Variants in DCT observed in about 807,000 individuals in gnomAD.
The protein encoded by DCT is L-dopachrome tautomerase.
Under a neutral mutation model 53.0 loss-of-function variants are expected in DCT, and 47 were observed. The observed-to-expected ratio is 0.89, with a 90% CI of 0.70 to 1.13. The LOEUF is 1.13. DCT is among the 50% of genes most tolerant of loss of function. The probability of loss-of-function intolerance (pLI) is 0.00; values close to 1 mark genes in which losing one functional copy is unlikely to be tolerated. For missense variants in DCT, 669 were observed against 637.4 expected (o/e 1.05, Z -0.53); for synonymous variants, 244 against 237.0 (o/e 1.03, Z -0.27).
At chr13:94,523,254 A>C in the DCT span, among the ~76,000 whole-genome samples, 1 of 152,220 alleles carries the variant, frequency 6.6e-6, no homozygotes, top group African/African-American at 2.4e-5. Context: ...TAAGATTTCT[A>C]TTTTATCTTT....
chr13:94,440,915 A>G (rs906693074), intron 7 of DCT, among the ~76,000 whole-genome samples: 3 of 152,126 alleles, frequency 2.0e-5, no homozygotes, highest in Non-Finnish European at 4.4e-5. Context: ...TCCTGACTGC[A>G]GGGAATCCAC....
chr13:94,526,117 T>A, the DCT span, among the ~76,000 whole-genome samples: 1 of 152,216 alleles, frequency 6.6e-6, no homozygotes, highest in South Asian at 2.1e-4. Context: ...GACAGAACTA[T>A]GGGGCATATG....
Position 94,479,258 on chromosome 13 carries a change from C to A in DCT, c.-3G>T. 2.6e-6 allele frequency: 4 copies of A among 1,566,950 alleles called. No homozygotes were observed. Among genetic ancestry groups the A allele is most frequent in the Non-Finnish European group, 3.5e-6 (4 of 1,151,038 alleles). On this transcript the variant is annotated 5_prime_UTR_variant, in exon 1 of 8. Coordinates refer to ENST00000377028, the MANE Select transcript of DCT (RefSeq NM_001922.5). The stretch of plus-strand genomic sequence containing the variant: ...AACCCCCACCAAAGGGGGCTCATGG[C>A]TTTATAATTGGGAGAGCTCTCTCTC...
At chr13:94,446,515 A>G (rs970640987) in intron 6 of DCT, among the ~76,000 whole-genome samples, 2 of 152,212 alleles carry the variant, frequency 1.3e-5, no homozygotes, top group African/African-American at 2.4e-5. Context: ...TGTTTGCTCA[A>G]TTACCCAAAA....
At chr13:94,534,891 C>T in the DCT span, among the ~76,000 whole-genome samples, 1 of 152,330 alleles carries the variant, frequency 6.6e-6, no homozygotes, top group African/African-American at 2.4e-5. Context: ...CATCTTTCCC[C>T]AATGCCATCC....
At chr13:94,523,938 T>G in the DCT span, among the ~76,000 whole-genome samples, 1 of 152,120 alleles carries the variant, frequency 6.6e-6, no homozygotes, top group Non-Finnish European at 1.5e-5. Context: ...CAATAACCAT[T>G]CATGCACCCA....
intron 5 of DCT, among the ~76,000 whole-genome samples, chr13:94,461,790 C>CAGCTA (rs1883805509): frequency 6.6e-6 from 1 of 152,072 alleles, no homozygotes; most frequent in African/African-American, 2.4e-5. Context: ...TGGTTTTGAA[C>CAGCTA]AGCTAAGTTA....
At position 94,443,538 on chromosome 13, in the gene DCT, T is replaced by C. The variant is rs764694494; in HGVS notation, c.1279A>G (p.Asn427Asp). 5.6e-6 allele frequency: 9 copies of C among 1,614,018 alleles called. No homozygotes were observed. Among genetic ancestry groups the C allele is most frequent in the South Asian group, 5.5e-5 (5 of 91,074 alleles). The change falls in exon 7 of 8, where the codon AAT becomes GAT. Residue 427 changes from asparagine (N) to aspartate (D), a missense_variant. Coordinates refer to ENST00000377028, the MANE Select transcript of DCT (RefSeq NM_001922.5). ...AAAGGAACCATGTTGTACATCCGAT[T>C]GTGACCAATAGGGGCCAGCTCCTGA... ...WPQELAPIGH[N>D]RMYNMVPFFP...
At chr13:94,466,532 G>T (rs751421493) in intron 3 of DCT, 26 bp downstream of exon 3, 1 of 1,481,156 alleles carries the variant, frequency 6.8e-7, no homozygotes, top group Non-Finnish European at 9.2e-7. Context: ...AAAATTAAAA[G>T]AACTAAATGC....
the DCT span, among the ~76,000 whole-genome samples, chr13:94,522,792 T>G: frequency 6.6e-6 from 1 of 152,138 alleles, no homozygotes; most frequent in Non-Finnish European, 1.5e-5. Flanking sequence ...CCAGACAACT[T>G]AAGAGTCTTA....
rs149374800 is a variant in DCT at position 94,438,679 on chromosome 13, T to C, written c.*1219A>G. On this transcript the variant is annotated 3_prime_UTR_variant, in exon 8 of 8. Transcript: ENST00000377028. ...AGCCATTAACTTCTCTGAAGTGGGG[T>C]CCATCATGATAAGTCTGAACATCGT... 123 of 455,882 alleles carry C rather than the reference T, an allele frequency of 2.7e-4. No homozygotes were observed. The highest frequency in any genetic ancestry group is 2.3e-3 in the African/African-American group (115 of 50,156). The allele number at this position is 455,882 out of a possible 1,614,324, so 28.2% of individuals were successfully genotyped here.
upstream of DCT, among the ~76,000 whole-genome samples, chr13:94,483,095 G>A (rs1230685014): frequency 1.3e-5 from 2 of 151,752 alleles, no homozygotes; most frequent in Non-Finnish European, 2.9e-5. Flanking sequence ...GCAACATGGT[G>A]AAACCCCATC....
intron 7 of DCT, among the ~76,000 whole-genome samples, chr13:94,441,727 T>A (rs1190347972): frequency 6.6e-6 from 1 of 152,206 alleles, no homozygotes; most frequent in Non-Finnish European, 1.5e-5. Context: ...TGTACCACAT[T>A]TTGTTTATTC....
chr13:94,451,919 G>GT (rs57931231), intron 6 of DCT, among the ~76,000 whole-genome samples: 21,222 of 149,626 alleles, frequency 0.14, 1,604 homozygotes, highest in South Asian at 0.19. Flanking sequence ...AATATTTAGG[G>GT]TTTTTTTTTT....
chr13:94,485,504 C>T, the DCT span, among the ~76,000 whole-genome samples: 1 of 152,188 alleles, frequency 6.6e-6, no homozygotes, highest in Non-Finnish European at 1.5e-5. Context: ...AAGGAAAAGG[C>T]TTAAACGAAG....
At chr13:94,505,608 C>T in the DCT span, among the ~76,000 whole-genome samples, 1 of 152,130 alleles carries the variant, frequency 6.6e-6, no homozygotes, top group Non-Finnish European at 1.5e-5. Context: ...CGGGAGGATA[C>T]CAACAGCCAT....
At chr13:94,534,403 T>C in the DCT span, among the ~76,000 whole-genome samples, 1 of 152,258 alleles carries the variant, frequency 6.6e-6, no homozygotes, top group African/African-American at 2.4e-5. Flanking sequence ...GATGACTTCA[T>C]TGTATTAAGT....
chr13:94,456,518 T>C (rs1883423637), intron 6 of DCT, among the ~76,000 whole-genome samples: 1 of 152,224 alleles, frequency 6.6e-6, no homozygotes, highest in African/African-American at 2.4e-5. Flanking sequence ...ATAAGAAATA[T>C]TAATTAAGGT....
At chr13:94,494,740 A>C in the DCT span, among the ~76,000 whole-genome samples, 1 of 152,226 alleles carries the variant, frequency 6.6e-6, no homozygotes, top group Admixed American at 6.5e-5. Context: ...CTTCACTCAG[A>C]GATAACCACA....
Sources: allele counts gnomAD v4.1 joint callset (sites outside exome capture counted in the v4.1 genomes callset), GRCh38; gene constraint gnomAD v4.1.1; transcripts MANE v1.5; gene names NCBI Gene and HGNC (gene_info 2026-07-23, HGNC 2026-07-21).